Variants in MEIS2 observed in about 807,000 individuals in gnomAD.
MEIS2 encodes homeobox protein Meis2.
MEIS2 carries 9 observed loss-of-function variants against 58.6 expected under a neutral mutation model. The observed-to-expected ratio is 0.15, with a 90% CI of 0.09 to 0.27. MEIS2 has a LOEUF of 0.27. MEIS2 is among the 10% of genes least tolerant of loss of function. MEIS2 has a pLI of 1.00. For missense variants in MEIS2, 427 were observed against 635.0 expected, an observed-to-expected ratio of 0.67 and a Z score of 3.52; for synonymous variants, 221 against 228.4, an observed-to-expected ratio of 0.97 and a Z score of 0.29.
intron 9 of MEIS2, among the ~76,000 whole-genome samples, chr15:36,920,298 C>A (rs968810387): frequency 1.3e-5 from 2 of 152,038 alleles, no homozygotes; most frequent in East Asian, 3.9e-4. Context: ...TACAGGCATG[C>A]GCCACCACGC....
intron 7 of MEIS2, among the ~76,000 whole-genome samples, chr15:37,069,458 A>C (rs1490605502): frequency 6.6e-6 from 1 of 152,212 alleles, no homozygotes; most frequent in Non-Finnish European, 1.5e-5. Context: ...CATATGGCAA[A>C]GATAGTCTTA....
intron 8 of MEIS2, among the ~76,000 whole-genome samples, chr15:36,963,373 C>T (rs1312129212): frequency 7.6e-6 from 1 of 130,890 alleles, no homozygotes; most frequent in South Asian, 2.7e-4. Context: ...GTGCGAGACT[C>T]CATCTCAAAA....
At chr15:36,975,603 A>C (rs2059718670) in intron 8 of MEIS2, among the ~76,000 whole-genome samples, 2 of 152,114 alleles carry the variant, frequency 1.3e-5, no homozygotes, top group African/African-American at 4.8e-5. Context: ...CTTAGGTCAC[A>C]AAGCTAGTGA....
intron 8 of MEIS2, among the ~76,000 whole-genome samples, chr15:36,961,807 G>T (rs903280613): frequency 6.6e-6 from 1 of 151,844 alleles, no homozygotes; most frequent in African/African-American, 2.4e-5. Flanking sequence ...ACATGTGAAG[G>T]TATACACCAG....
chr15:37,007,771 T>C (rs987988817), intron 8 of MEIS2, among the ~76,000 whole-genome samples: 4 of 152,266 alleles, frequency 2.6e-5, no homozygotes, highest in African/African-American at 4.8e-5. Flanking sequence ...AAACGCCATC[T>C]AAGATTAATG....
intron 9 of MEIS2, among the ~76,000 whole-genome samples, chr15:36,916,857 C>A (rs981032184): frequency 6.6e-6 from 1 of 152,154 alleles, no homozygotes; most frequent in Non-Finnish European, 1.5e-5. Context: ...TTATGAAATT[C>A]TCACAAAAAC....
chr15:36,960,405 T>A (rs745938960), intron 8 of MEIS2, among the ~76,000 whole-genome samples: 17 of 152,148 alleles, frequency 1.1e-4, no homozygotes, highest in Non-Finnish European at 2.2e-4. Context: ...AACTAATGAC[T>A]TCTTGTGATA....
chr15:37,057,290 T>C (rs2141828976), intron 7 of MEIS2, among the ~76,000 whole-genome samples: 1 of 152,354 alleles, frequency 6.6e-6, no homozygotes, highest in South Asian at 2.1e-4. Context: ...GGAGAGTCAA[T>C]GAAAACTTCC....
chr15:36,909,272 T>C (rs62002393), intron 9 of MEIS2, among the ~76,000 whole-genome samples: 17,212 of 151,984 alleles, frequency 0.11, 1,003 homozygotes, highest in African/African-American at 0.14. Context: ...TTATTCACAA[T>C]TGTGATTTAC....
intron 8 of MEIS2, among the ~76,000 whole-genome samples, chr15:37,013,287 A>C (rs2061228461): frequency 6.6e-6 from 1 of 152,054 alleles, no homozygotes; most frequent in Non-Finnish European, 1.5e-5. Context: ...AGATGATTTT[A>C]AGGCCAGGCA....
chr15:36,987,082 G>A (rs972452999), intron 8 of MEIS2, among the ~76,000 whole-genome samples: 8 of 152,112 alleles, frequency 5.3e-5, no homozygotes, highest in African/African-American at 1.9e-4. Flanking sequence ...TCAGTGTGGG[G>A]TGGGGTGTGT....
intron 9 of MEIS2, among the ~76,000 whole-genome samples, chr15:36,925,266 G>T (rs1381030862): frequency 6.6e-6 from 1 of 152,194 alleles, no homozygotes; most frequent in East Asian, 1.9e-4. Context: ...CCCAGCCTCA[G>T]GCAGATGAGG....
At chr15:36,950,501 G>C (rs2058716859) in intron 8 of MEIS2, 101 bp from the exon 9 acceptor site, 1 of 1,133,480 alleles carries the variant, frequency 8.8e-7, no homozygotes, top group Non-Finnish European at 1.3e-6. Context: ...TTAGTCTATG[G>C]CTTGATTTTC....
intron 7 of MEIS2, among the ~76,000 whole-genome samples, chr15:37,057,314 G>T (rs992436979): frequency 6.6e-6 from 1 of 152,142 alleles, no homozygotes; most frequent in South Asian, 2.1e-4. Flanking sequence ...AATTCCACCT[G>T]CCTCCTCAGA....
intron 9 of MEIS2, among the ~76,000 whole-genome samples, chr15:36,941,610 G>A (rs972648809): frequency 6.6e-6 from 1 of 152,074 alleles, no homozygotes; most frequent in Non-Finnish European, 1.5e-5. Context: ...CCAAAATCTA[G>A]GTTCAAAATA....
intron 7 of MEIS2, among the ~76,000 whole-genome samples, chr15:37,078,013 C>T (rs954189461): frequency 6.6e-6 from 1 of 152,012 alleles, no homozygotes. Context: ...TATACTTTTC[C>T]CCATAGAATC....
At chr15:37,084,845 C>G (rs1337730524) in intron 6 of MEIS2, among the ~76,000 whole-genome samples, 1 of 152,116 alleles carries the variant, frequency 6.6e-6, no homozygotes, top group African/African-American at 2.4e-5. Context: ...GATGGAATTT[C>G]CTCTGGCAGA....
chr15:37,098,295 C>T, intron 1 of MEIS2, 96 bp from the exon 2 acceptor site: 1 of 1,347,466 alleles, frequency 7.4e-7, no homozygotes, highest in Non-Finnish European at 9.6e-7. Flanking sequence ...AGAGGGCGAA[C>T]AGAAAAGAGA....
At chr15:36,952,074 C>G (rs1254374815) in intron 8 of MEIS2, among the ~76,000 whole-genome samples, 1 of 152,160 alleles carries the variant, frequency 6.6e-6, no homozygotes, top group Non-Finnish European at 1.5e-5. Flanking sequence ...CTCCTCCTAA[C>G]ACTCTGATTC....
Sources: gnomAD v4.1 joint callset for allele counts (sites outside exome capture counted in the v4.1 genomes callset) on GRCh38, gnomAD v4.1.1 for gene constraint, MANE v1.5 for transcripts, NCBI Gene and HGNC (gene_info 2026-07-23, HGNC 2026-07-21) for gene names.